Variants in C1orf21 observed in about 807,000 individuals in gnomAD.
The protein encoded by C1orf21 is uncharacterized protein C1orf21.
C1orf21 carries 3 observed loss-of-function variants against 18.7 expected under a neutral mutation model. The observed-to-expected ratio is 0.16, with a 90% CI of 0.07 to 0.42. The LOEUF (loss-of-function observed/expected upper bound fraction) is 0.42, where lower values mean the gene tolerates loss of function less well. Ranked by LOEUF, C1orf21 falls within the 10% of genes least tolerant of loss-of-function variation. C1orf21 has a pLI of 0.99. For missense variants in C1orf21, 104 were observed against 143.6 expected (o/e 0.72, Z 1.41); for synonymous variants, 41 against 46.4 (o/e 0.88, Z 0.47).
intron 5 of C1orf21, among the ~76,000 whole-genome samples, chr1:184,611,527 C>T (rs1313803361): frequency 1.3e-5 from 2 of 152,176 alleles, no homozygotes; most frequent in Admixed American, 6.5e-5. Flanking sequence ...AGCTGCAGAA[C>T]GTGGTTATCT....
intron 3 of C1orf21, among the ~76,000 whole-genome samples, chr1:184,543,662 G>C (rs940386524): frequency 1.3e-5 from 2 of 152,114 alleles, no homozygotes; most frequent in Non-Finnish European, 2.9e-5. Flanking sequence ...GTAGAAACAG[G>C]TATATTTGAT....
chr1:184,460,623 T>TCG (rs1557977779), intron 1 of C1orf21, among the ~76,000 whole-genome samples: 323 of 12,936 alleles, frequency 0.025, 1 homozygote, highest in African/African-American at 0.034. Flanking sequence ...CGTCGTCGTC[T>TCG]TCTTCTTCTT....
intron 5 of C1orf21, among the ~76,000 whole-genome samples, chr1:184,608,712 G>A (rs1383782261): frequency 6.6e-6 from 1 of 152,124 alleles, no homozygotes; most frequent in Admixed American, 6.5e-5. Context: ...CTCCCAAAGT[G>A]CTCATTCCCA....
At chr1:184,520,364 T>A (rs956857179) in intron 3 of C1orf21, among the ~76,000 whole-genome samples, 1 of 152,168 alleles carries the variant, frequency 6.6e-6, no homozygotes, top group African/African-American at 2.4e-5. Flanking sequence ...GAGACAGGAA[T>A]CTGGTGAGTG....
In C1orf21 at chr1:184,622,890, A is replaced by G. The variant is rs1267520931; in HGVS notation, c.*3334A>G. The G allele has an allele frequency of 6.5e-6, 1 of 152,738 alleles. No homozygotes were observed. Among genetic ancestry groups the G allele is most frequent in the African/African-American group, 2.4e-5 (1 of 41,476 alleles). 9.5% of individuals were successfully genotyped at this position (152,738 alleles called of 1,614,324 possible). On this transcript the variant is annotated 3_prime_UTR_variant, in exon 6 of 6. Coordinates refer to ENST00000235307, the MANE Select transcript of C1orf21 (RefSeq NM_030806.4). ...CTGGGCATCCAAAGCGGCCACGCCCACAATCCGACAGCCCCCAGGAGCAGG... is the reference window on the plus strand; with the variant it reads ...CTGGGCATCCAAAGCGGCCACGCCCGCAATCCGACAGCCCCCAGGAGCAGG...
At chr1:184,619,016 C>G (rs1273785082) in intron 5 of C1orf21, among the ~76,000 whole-genome samples, 1 of 152,242 alleles carries the variant, frequency 6.6e-6, no homozygotes, top group Non-Finnish European at 1.5e-5. Context: ...CCCACACATA[C>G]CAAGCACAGA....
intron 3 of C1orf21, among the ~76,000 whole-genome samples, chr1:184,564,862 C>T (rs10489729): frequency 0.22 from 32,763 of 152,076 alleles, 4,074 homozygotes; most frequent in African/African-American, 0.34. Context: ...GCTTACACGG[C>T]ACACAGTCCA....
chr1:184,436,662 T>A (rs1354443608), intron 1 of C1orf21, among the ~76,000 whole-genome samples: 1 of 152,146 alleles, frequency 6.6e-6, no homozygotes, highest in Non-Finnish European at 1.5e-5. Flanking sequence ...TTCACTCCCC[T>A]CTCCCCTTCC....
chr1:184,480,108 A>C (rs187335984), intron 2 of C1orf21, among the ~76,000 whole-genome samples: 16 of 152,336 alleles, frequency 1.1e-4, no homozygotes, highest in Admixed American at 7.8e-4. Flanking sequence ...GACATACCTC[A>C]TGATAACAGT....
chr1:184,567,116 CCA>C, intron 3 of C1orf21: 1 of 474,154 alleles, frequency 2.1e-6, no homozygotes, highest in Non-Finnish European at 4.2e-6. Flanking sequence ...AGTATTCCTT[CCA>C]CAGTCTCCAA....
intron 3 of C1orf21, among the ~76,000 whole-genome samples, chr1:184,560,564 T>C (rs1416227968): frequency 6.6e-6 from 1 of 152,194 alleles, no homozygotes; most frequent in Non-Finnish European, 1.5e-5. Flanking sequence ...ACCCCTTTCT[T>C]GTAAAACCTA....
chr1:184,589,161 A>T (rs546475861), intron 3 of C1orf21, among the ~76,000 whole-genome samples: 1 of 152,346 alleles, frequency 6.6e-6, no homozygotes, highest in East Asian at 1.9e-4. Context: ...TTTTAAGCTC[A>T]AAGAGTTGCG....
intron 2 of C1orf21, among the ~76,000 whole-genome samples, chr1:184,494,845 C>T (rs74131693): frequency 0.17 from 24,469 of 142,908 alleles, 2,271 homozygotes; most frequent in Admixed American, 0.29. Context: ...TTTGCTTTTG[C>T]TTTTTTTTTT....
At chr1:184,567,397 C>A in intron 3 of C1orf21, 1 of 512,256 alleles carries the variant, frequency 2.0e-6, no homozygotes, top group Non-Finnish European at 3.9e-6. Context: ...AACCTCATAT[C>A]TTTAAAGATC....
Position 184,543,800 on chromosome 1 carries a change from CT to C in C1orf21, c.189+36119del, listed in dbSNP as rs564228231. Reference sequence around the variant, plus strand: ...TTACAATGATTTCAGATGCTTTTCTCTAGCAAGGAGTATTATTTTTGCTTCT... The same window carrying C: ...TTACAATGATTTCAGATGCTTTTCTCAGCAAGGAGTATTATTTTTGCTTCT... On this transcript the variant is annotated intron_variant, in intron 3 of 5. Coordinates refer to ENST00000235307, the MANE Select transcript of C1orf21 (RefSeq NM_030806.4). Among the ~76,000 whole-genome samples, 57 of 152,262 alleles carry C rather than the reference CT, an allele frequency of 3.7e-4. 3 individuals carry two copies. The South Asian group carries it at 0.012, about 32-fold the overall frequency.
At chr1:184,586,444 C>T (rs1344942544) in intron 3 of C1orf21, among the ~76,000 whole-genome samples, 1 of 151,924 alleles carries the variant, frequency 6.6e-6, no homozygotes, top group Non-Finnish European at 1.5e-5. Context: ...CCACCTCGCC[C>T]GGCTAATTTT....
intron 3 of C1orf21, among the ~76,000 whole-genome samples, chr1:184,515,760 T>TTTTATTTG (rs1272236243): frequency 6.6e-6 from 1 of 152,218 alleles, no homozygotes; most frequent in African/African-American, 2.4e-5. Flanking sequence ...TGATGGATTT[T>TTTTATTTG]TTTATTTGTT....
At chr1:184,504,327 G>A (rs536699709) in intron 2 of C1orf21, among the ~76,000 whole-genome samples, 5 of 125,926 alleles carry the variant, frequency 4.0e-5, no homozygotes, top group East Asian at 2.2e-4. Context: ...TCTCTTCCTC[G>A]AGTTGGCACG....
intron 4 of C1orf21, among the ~76,000 whole-genome samples, chr1:184,591,462 C>A (rs568889357): frequency 8.5e-5 from 13 of 152,240 alleles, no homozygotes; most frequent in African/African-American, 2.6e-4. Flanking sequence ...AATATGACTG[C>A]ACTAAAATTA....
Sources: gnomAD v4.1 joint callset for allele counts (sites outside exome capture counted in the v4.1 genomes callset) on GRCh38, gnomAD v4.1.1 for gene constraint, MANE v1.5 for transcripts, NCBI Gene and HGNC (gene_info 2026-07-23, HGNC 2026-07-21) for gene names.